PTER: variants seen among roughly 807,000 people sequenced by gnomAD.
The protein encoded by PTER is phosphotriesterase related.
In PTER, 38 loss-of-function variants were observed where a neutral mutation model predicts 29.6. That is an observed-to-expected ratio of 1.28 (90% confidence interval 0.99 to 1.68). The LOEUF is 1.68. Ranked by LOEUF, PTER falls within the 40% of genes most tolerant of loss-of-function variation. The probability of loss-of-function intolerance (pLI) is 0.00; values close to 1 mark genes in which losing one functional copy is unlikely to be tolerated. For missense variants in PTER, 482 were observed against 427.8 expected, an observed-to-expected ratio of 1.13 and a Z score of -1.12; for synonymous variants, 172 against 154.5, an observed-to-expected ratio of 1.11 and a Z score of -0.84.
intron 3 of PTER, among the ~76,000 whole-genome samples, chr10:16,499,820 A>C (rs189738070): frequency 6.6e-6 from 1 of 152,234 alleles, no homozygotes; most frequent in African/African-American, 2.4e-5. Context: ...TCAGTTAAAA[A>C]ATCAGAAAAA....
intron 3 of PTER, among the ~76,000 whole-genome samples, chr10:16,492,166 C>A (rs567129031): frequency 6.6e-6 from 1 of 152,148 alleles, no homozygotes; most frequent in African/African-American, 2.4e-5. Context: ...GTGTCTAGGC[C>A]GTCCCCTAAC....
At chr10:16,479,490 A>T (rs1362392601) in intron 1 of PTER, among the ~76,000 whole-genome samples, 1 of 152,182 alleles carries the variant, frequency 6.6e-6, no homozygotes, top group Non-Finnish European at 1.5e-5. Flanking sequence ...AGCTTTAAAA[A>T]AAAAAAGGAT....
At chr10:16,494,106 T>C (rs973221243) in intron 3 of PTER, among the ~76,000 whole-genome samples, 42 of 152,206 alleles carry the variant, frequency 2.8e-4, no homozygotes, top group African/African-American at 9.9e-4. Context: ...AATACCGTCA[T>C]TCCCTGAACC....
intron 3 of PTER, among the ~76,000 whole-genome samples, chr10:16,491,256 G>A (rs1204919674): frequency 2.0e-5 from 3 of 152,164 alleles, no homozygotes; most frequent in African/African-American, 7.2e-5. Context: ...TTTCAGAAGG[G>A]AGGCAGCTAG....
At chr10:16,500,325 C>T (rs1319602664) in intron 3 of PTER, among the ~76,000 whole-genome samples, 1 of 151,926 alleles carries the variant, frequency 6.6e-6, no homozygotes, top group Non-Finnish European at 1.5e-5. Flanking sequence ...CCATAGCTCG[C>T]TGCAGCCTCA....
intron 1 of PTER, among the ~76,000 whole-genome samples, chr10:16,467,541 G>C (rs1173659769): frequency 6.6e-6 from 1 of 152,222 alleles, no homozygotes; most frequent in Non-Finnish European, 1.5e-5. Context: ...GCCGGGCTCA[G>C]TGACTCATGC....
chr10:16,482,146 G>A (rs1486394544), intron 1 of PTER, among the ~76,000 whole-genome samples: 2 of 152,172 alleles, frequency 1.3e-5, no homozygotes, highest in African/African-American at 2.4e-5. Flanking sequence ...TTAGCCACAA[G>A]TCCTAAGTTC....
chr10:16,470,886 A>C (rs1355769108), intron 1 of PTER, among the ~76,000 whole-genome samples: 1 of 150,768 alleles, frequency 6.6e-6, no homozygotes, highest in Non-Finnish European at 1.5e-5. Context: ...TTTTTTTTTT[A>C]ACTTAAAAAT....
intron 1 of PTER, among the ~76,000 whole-genome samples, chr10:16,444,591 CT>C (rs1402663329): frequency 6.6e-6 from 1 of 151,818 alleles, no homozygotes; most frequent in Non-Finnish European, 1.5e-5. Context: ...TGGGGTCTCA[CT>C]CTGTTGCCCA....
At chr10:16,515,753 C>T (rs1836940396), downstream of PTER, among the ~76,000 whole-genome samples, 1 of 152,138 alleles carries the variant, frequency 6.6e-6, no homozygotes, top group Non-Finnish European at 1.5e-5. Flanking sequence ...AACAGGCAGA[C>T]TTAGATTTGA....
intron 1 of PTER, among the ~76,000 whole-genome samples, chr10:16,439,847 G>A (rs898864235): frequency 6.6e-6 from 1 of 152,146 alleles, no homozygotes; most frequent in African/African-American, 2.4e-5. Flanking sequence ...ACAGGCGTGA[G>A]CCACGGCAGC....
chr10:16,463,582 A>G (rs1317379345), intron 1 of PTER, among the ~76,000 whole-genome samples: 2 of 152,100 alleles, frequency 1.3e-5, no homozygotes, highest in Non-Finnish European at 2.9e-5. Context: ...TGCCCGGCTA[A>G]TTTTTGTATT....
At chr10:16,481,830 C>T (rs891419345) in intron 1 of PTER, among the ~76,000 whole-genome samples, 14 of 152,038 alleles carry the variant, frequency 9.2e-5, no homozygotes, top group African/African-American at 3.4e-4. Context: ...AGATGGTCAG[C>T]CAGAAGGAAA....
chr10:16,463,833 A>G (rs1049901801), intron 1 of PTER, among the ~76,000 whole-genome samples: 1 of 152,186 alleles, frequency 6.6e-6, no homozygotes. Flanking sequence ...CTCCCACAGG[A>G]TGCTTAAGGA....
rs748461208 is a variant in PTER at position 16,484,479 on chromosome 10, C to T, written c.95C>T (p.Thr32Ile). ...RTLTHEHLAM[T>I]FDCCYCPPPP... ...CTGACCCATGAACACCTGGCCATGA[C>T]CTTTGACTGCTGTTACTGTCCACCT... Residue 32 changes from threonine to isoleucine, a missense_variant, in exon 2 of 5, where the codon ACC (threonine) becomes ATC (isoleucine). Physicochemically the swap from Thr to Ile is moderately conservative, Grantham distance 89. Coordinates refer to ENST00000535784, the MANE Select transcript of PTER (RefSeq NM_001261836.2). 6.2e-7 allele frequency: 1 copy of T among 1,613,938 alleles called. No homozygotes were observed. Among genetic ancestry groups the T allele is most frequent in the African/African-American group, 1.3e-5 (1 of 74,880 alleles).
intron 1 of PTER, among the ~76,000 whole-genome samples, chr10:16,476,386 T>C (rs1477657783): frequency 6.6e-6 from 1 of 152,090 alleles, no homozygotes; most frequent in Non-Finnish European, 1.5e-5. Flanking sequence ...GACCTCATAC[T>C]TTCTTATTTA....
intron 1 of PTER, among the ~76,000 whole-genome samples, chr10:16,465,869 G>A (rs1834792325): frequency 6.6e-6 from 1 of 152,090 alleles, no homozygotes. Flanking sequence ...GGAGAGAGAG[G>A]GCAAGTGAGA....
intron 1 of PTER, among the ~76,000 whole-genome samples, chr10:16,463,087 G>A (rs1834679075): frequency 6.6e-6 from 1 of 151,596 alleles, no homozygotes; most frequent in African/African-American, 2.4e-5. Flanking sequence ...CAGCTACTCG[G>A]GAGACTGAGG....
rs12098359 is a variant in PTER at position 16,487,732 on chromosome 10, G to T, written c.698+1115G>T. Among the ~76,000 whole-genome samples, 513 of 152,288 alleles carry T rather than the reference G, an allele frequency of 3.4e-3. 3 individuals are homozygous for T. Among genetic ancestry groups the T allele is most frequent in the African/African-American group, 0.012 (495 of 41,542 alleles). On this transcript the variant is annotated intron_variant, in intron 3 of 4. Coordinates refer to ENST00000535784, the MANE Select transcript of PTER (RefSeq NM_001261836.2). Reference sequence around the variant, plus strand: ...TGCTAAGGCTACTCATTAGCCTTCAGTTGAATTTATTATAGAATTAATACA... The same window carrying T: ...TGCTAAGGCTACTCATTAGCCTTCATTTGAATTTATTATAGAATTAATACA...
Sources: gnomAD v4.1 joint callset for allele counts (sites outside exome capture counted in the v4.1 genomes callset) on GRCh38, gnomAD v4.1.1 for gene constraint, MANE v1.5 for transcripts, NCBI Gene and HGNC (gene_info 2026-07-23, HGNC 2026-07-21) for gene names.